Variants in PHKB observed in about 807,000 individuals in gnomAD.
PHKB encodes the protein phosphorylase kinase regulatory subunit beta, also known as phosphorylase b kinase regulatory subunit beta.
Under a neutral mutation model 152.1 loss-of-function variants are expected in PHKB, and 122 were observed. The observed-to-expected ratio is 0.80, with a 90% CI of 0.69 to 0.93. The LOEUF is 0.93. Among genes scored for constraint, PHKB ranks in the 40% least tolerant of loss-of-function variants. The pLI is 0.00. For synonymous variants in PHKB, 436 were observed against 464.9 expected (o/e 0.94, Z 0.80); for missense variants, 1,304 against 1,328.4 (o/e 0.98, Z 0.29).
At chr16:47,498,751 AATTAGCCTGGCATGGTGGCG>A (rs1567280268) in intron 2 of PHKB, among the ~76,000 whole-genome samples, 2 of 151,806 alleles carry the variant, frequency 1.3e-5, no homozygotes, top group African/African-American at 4.8e-5. Context: ...AAAGTTTAAA[AATTAGCCTGGCATGGTGGCG>A]ATTGCCTGTA....
At chr16:47,465,831 ATTATCT>A (rs1969659157) in intron 1 of PHKB, among the ~76,000 whole-genome samples, 2 of 152,276 alleles carry the variant, frequency 1.3e-5, no homozygotes, top group South Asian at 2.1e-4. Flanking sequence ...TTCTTTGGAC[ATTATCT>A]TTATAGGCAT....
intron 14 of PHKB, among the ~76,000 whole-genome samples, chr16:47,639,195 G>T (rs1972973468): frequency 6.6e-6 from 1 of 152,114 alleles, no homozygotes; most frequent in Non-Finnish European, 1.5e-5. Context: ...GATCACCTGA[G>T]CCCAGGATGT....
chr16:47,625,941 C>CGATG lies in PHKB; in HGVS notation c.1458+15022_1458+15023insATGG, dbSNP rs1413925828. ...CCCTCAAAGTACCCATTAAGAGCAT[C>CGATG]GTATTTAATATCCTACTGAAGTCCT... is the stretch of plus-strand genomic sequence containing the variant. On this transcript the variant is annotated intron_variant, in intron 14 of 30. Transcript: ENST00000323584. Among the ~76,000 whole-genome samples, 5 of 152,246 alleles carry CGATG rather than the reference C, an allele frequency of 3.3e-5. No individual in the cohort carries two copies. The South Asian group carries it at 1.0e-3, about 32-fold the overall frequency.
intron 5 of PHKB, among the ~76,000 whole-genome samples, chr16:47,514,834 A>T (rs1970569230): frequency 6.6e-6 from 1 of 152,140 alleles, no homozygotes; most frequent in Admixed American, 6.6e-5. Flanking sequence ...TGATATTAGT[A>T]TTTTTTTGTT....
chr16:47,523,592 G>A (rs1970719645), intron 6 of PHKB, among the ~76,000 whole-genome samples: 1 of 152,196 alleles, frequency 6.6e-6, no homozygotes, highest in East Asian at 1.9e-4. Flanking sequence ...AGGTGTGGGA[G>A]TATTAGCTCA....
Position 47,658,243 on chromosome 16 carries a change from C to T in PHKB, c.1972-2263C>T, listed in dbSNP as rs540727189. ...TCAGGACCTTTGCACTTGCCACTCC[C>T]AGCCCTGTACACTCTTCCTTCAGAT... On this transcript the variant is annotated intron_variant, in intron 20 of 30. Transcript: ENST00000323584. Among the ~76,000 whole-genome samples, 6 of 152,260 alleles carry T rather than the reference C, an allele frequency of 3.9e-5. No homozygotes were observed. The East Asian group carries it at 1.2e-3, about 29-fold the overall frequency.
chr16:47,503,149 A>G lies in PHKB; in HGVS notation c.405+59A>G, dbSNP rs1025397235. 3.6e-6 allele frequency: 4 copies of G among 1,097,926 alleles called. No homozygotes were observed. In the African/African-American group the frequency reaches 4.6e-5, roughly 13 times the overall value. 68.0% of individuals were successfully genotyped at this position (1,097,926 alleles called of 1,614,324 possible). A position where few individuals can be genotyped will look rare whatever the true frequency, so the allele number is the denominator to read the frequency against. ...ATCATTCTGAAGGATTAATTTAACT[A>G]GTATCGCAATGGTTTCTTCTGAAGA... On this transcript the variant is annotated intron_variant, in intron 4 of 30. Transcript: ENST00000323584.
intron 1 of PHKB, among the ~76,000 whole-genome samples, chr16:47,478,199 A>C (rs1200629101): frequency 6.6e-6 from 1 of 152,140 alleles, no homozygotes; most frequent in Non-Finnish European, 1.5e-5. Context: ...ACAAGATGAG[A>C]GTTATTTTTA....
intron 6 of PHKB, among the ~76,000 whole-genome samples, chr16:47,526,335 G>T (rs992056229): frequency 6.6e-6 from 1 of 151,970 alleles, no homozygotes; most frequent in East Asian, 1.9e-4. Flanking sequence ...GCTTGAATCC[G>T]AGAGGCAGAG....
chr16:47,638,451 C>G (rs1440582098), intron 14 of PHKB, among the ~76,000 whole-genome samples: 1 of 152,142 alleles, frequency 6.6e-6, no homozygotes, highest in Non-Finnish European at 1.5e-5. Flanking sequence ...CCTAAGTCTT[C>G]AGTAGTTCTC....
At chr16:47,528,042 TGTAA>T (rs1970797624) in intron 6 of PHKB, among the ~76,000 whole-genome samples, 1 of 152,228 alleles carries the variant, frequency 6.6e-6, no homozygotes, top group Admixed American at 6.5e-5. Flanking sequence ...AAGTAGTTAC[TGTAA>T]GTGACTTAGA....
At chr16:47,591,595 C>T (rs1972030319) in intron 10 of PHKB, among the ~76,000 whole-genome samples, 1 of 152,074 alleles carries the variant, frequency 6.6e-6, no homozygotes, top group African/African-American at 2.4e-5. Context: ...AAACCTTGCT[C>T]TTCTCCTAGG....
chr16:47,525,739 A>G (rs1226173820), intron 6 of PHKB, among the ~76,000 whole-genome samples: 1 of 152,170 alleles, frequency 6.6e-6, no homozygotes, highest in Non-Finnish European at 1.5e-5. Flanking sequence ...TTCATTATTC[A>G]TCTTTAGATG....
rs113655916 is a variant in PHKB at position 47,564,548 on chromosome 16, G to A, written c.711-15747G>A. On this transcript the variant is annotated intron_variant, in intron 7 of 30. Coordinates refer to ENST00000323584, the MANE Select transcript of PHKB (RefSeq NM_000293.3). ...TTTCCTTTCTTGCTGATTTGCTTGA[G>A]TTCCTTATGGACTCTGTAGATACCC... 5.3e-4 allele frequency among the ~76,000 whole-genome samples: 81 copies of A among 152,028 alleles called. 2 individuals are homozygous for A. The highest frequency in any genetic ancestry group is 1.8e-3 in the African/African-American group (76 of 41,472).
intron 7 of PHKB, among the ~76,000 whole-genome samples, chr16:47,557,312 C>T (rs978409675): frequency 6.6e-5 from 10 of 152,192 alleles, no homozygotes; most frequent in African/African-American, 2.4e-4. Flanking sequence ...CCATTCAGGA[C>T]ATAGGCATGG....
At chr16:47,647,928 T>C (rs954715260) in intron 16 of PHKB, among the ~76,000 whole-genome samples, 3 of 152,218 alleles carry the variant, frequency 2.0e-5, no homozygotes, top group Non-Finnish European at 4.4e-5. Context: ...TATTTATTGA[T>C]GTACTTTTAA....
intron 13 of PHKB, chr16:47,599,094 C>T (rs1972175171): frequency 1.8e-5 from 10 of 556,986 alleles, no homozygotes; most frequent in South Asian, 4.8e-5. Flanking sequence ...ATGTTATTTC[C>T]GTCTCACTAG....
intron 14 of PHKB, among the ~76,000 whole-genome samples, chr16:47,634,502 T>A (rs1393079829): frequency 1.4e-5 from 2 of 146,378 alleles, no homozygotes; most frequent in Non-Finnish European, 3.1e-5. Context: ...AATGATATAA[T>A]TTCTGTATCG....
chr16:47,592,741 T>C (rs1428127131), intron 10 of PHKB, among the ~76,000 whole-genome samples: 1 of 152,194 alleles, frequency 6.6e-6, no homozygotes, highest in Non-Finnish European at 1.5e-5. Context: ...TAGCTCTCTG[T>C]CTAGTTGGTT....
Sources: gnomAD v4.1 joint callset for allele counts (sites outside exome capture counted in the v4.1 genomes callset) on GRCh38, gnomAD v4.1.1 for gene constraint, MANE v1.5 for transcripts, NCBI Gene and HGNC (gene_info 2026-07-23, HGNC 2026-07-21) for gene names.